Variants in MARCHF5 observed in about 807,000 individuals in gnomAD.
MARCHF5 encodes membrane associated ring-CH-type finger 5.
In MARCHF5, 5 loss-of-function variants were observed where a neutral mutation model predicts 36.5. The ratio of observed to expected loss-of-function variants is 0.14; its 90% CI spans 0.07 to 0.29. The LOEUF (loss-of-function observed/expected upper bound fraction) is 0.29. MARCHF5 is among the 10% of genes least tolerant of loss of function. The pLI, the probability that MARCHF5 is intolerant of heterozygous loss-of-function variation, is 1.00. For synonymous variants in MARCHF5, 103 were observed against 109.9 expected (o/e 0.94, Z 0.39); for missense variants, 179 against 336.3 (o/e 0.53, Z 3.66).
intron 1 of MARCHF5, among the ~76,000 whole-genome samples, chr10:92,303,146 C>G (rs1035780059): frequency 1.3e-5 from 2 of 152,186 alleles, no homozygotes; most frequent in Non-Finnish European, 2.9e-5. Context: ...TAAAGCCCCC[C>G]TCACTTTTTT....
In MARCHF5 at chr10:92,291,454, G is replaced by T. The variant is rs1009028240; in HGVS notation, c.-41G>T. 3 of 1,502,844 alleles carry T rather than the reference G, an allele frequency of 2.0e-6. No homozygotes were observed. The highest frequency in any genetic ancestry group is 1.4e-5 in the African/African-American group (1 of 72,040). 93.1% of individuals were successfully genotyped at this position (1,502,844 alleles called of 1,614,324 possible). Reference sequence around the variant, plus strand: ...ATTGTCCCTGGGCCTGGCCTTGAGCGGGTCCACTGGGGAAGGCCGTGTGCG... The same window carrying T: ...ATTGTCCCTGGGCCTGGCCTTGAGCTGGTCCACTGGGGAAGGCCGTGTGCG... On this transcript the variant is annotated 5_prime_UTR_variant, in exon 1 of 6. Transcript: ENST00000358935.
chr10:92,351,901 C>CGTGTGTGTGTGTGTGTGTGTGTGTGTGT lies in MARCHF5; in HGVS notation c.*705_*732dup, dbSNP rs10552774. The CGTGTGTGTGTGTGTGTGTGTGTGTGTGT allele has an allele frequency of 7.1e-6, 1 of 141,232 alleles. No individual in the cohort carries two copies. The highest frequency in any genetic ancestry group is 1.6e-5 in the Non-Finnish European group (1 of 64,400). The allele number at this position is 141,232 out of a possible 1,614,324, so 8.7% of individuals were successfully genotyped here. On this transcript the variant is annotated 3_prime_UTR_variant, in exon 6 of 6. Coordinates refer to ENST00000358935, the MANE Select transcript of MARCHF5 (RefSeq NM_017824.5). ...ATGAAGTAATTTTGACTCATGCAGT[C>CGTGTGTGTGTGTGTGTGTGTGTGTGTGT]GTGTGTGTGTGTGTGTGTGTGTGTG...
chr10:92,345,778 C>G (rs1218553234), intron 3 of MARCHF5, among the ~76,000 whole-genome samples: 1 of 147,140 alleles, frequency 6.8e-6, no homozygotes, highest in Non-Finnish European at 1.5e-5. Context: ...ACTGCATCCT[C>G]GAACTCCCTG....
intron 2 of MARCHF5, among the ~76,000 whole-genome samples, chr10:92,331,470 A>G (rs1029840814): frequency 6.6e-6 from 1 of 152,060 alleles, no homozygotes; most frequent in Non-Finnish European, 1.5e-5. Context: ...TAACATCTGT[A>G]TAGTTTGTAC....
At chr10:92,307,906 A>G (rs1843095409) in intron 1 of MARCHF5, among the ~76,000 whole-genome samples, 1 of 150,476 alleles carries the variant, frequency 6.6e-6, no homozygotes, top group Admixed American at 6.6e-5. Context: ...TTTCTTGATG[A>G]TATGCTAAAC....
intron 2 of MARCHF5, among the ~76,000 whole-genome samples, chr10:92,314,508 G>A (rs1260828774): frequency 3.9e-5 from 6 of 152,098 alleles, no homozygotes. Flanking sequence ...CAGGCGTGGT[G>A]GCAGGCGCCT....
chr10:92,335,176 G>C (rs1173453429), intron 2 of MARCHF5, among the ~76,000 whole-genome samples: 2 of 152,096 alleles, frequency 1.3e-5, no homozygotes, highest in African/African-American at 4.8e-5. Flanking sequence ...GTTTTCAAAG[G>C]CTGCTGTCTT....
intron 2 of MARCHF5, among the ~76,000 whole-genome samples, chr10:92,327,410 TC>T (rs1490076915): frequency 6.6e-6 from 1 of 152,066 alleles, no homozygotes; most frequent in Non-Finnish European, 1.5e-5. Flanking sequence ...TCAGTCTTCC[TC>T]CATTGATGGA....
chr10:92,328,724 A>G (rs1843398956), intron 2 of MARCHF5, among the ~76,000 whole-genome samples: 1 of 150,950 alleles, frequency 6.6e-6, no homozygotes, highest in African/African-American at 2.4e-5. Context: ...TACACTACGA[A>G]CACTTGGCTG....
chr10:92,335,670 A>G (rs1843493484), intron 2 of MARCHF5, among the ~76,000 whole-genome samples: 2 of 152,202 alleles, frequency 1.3e-5, no homozygotes, highest in South Asian at 4.1e-4. Flanking sequence ...GAAAATTTCC[A>G]AAGAGGAAAT....
chr10:92,327,137 A>G (rs1361574860), intron 2 of MARCHF5, among the ~76,000 whole-genome samples: 1 of 152,162 alleles, frequency 6.6e-6, no homozygotes, highest in Admixed American at 6.5e-5. Flanking sequence ...CTTGCAAGCT[A>G]CTTGCAATGA....
At chr10:92,323,395 C>T (rs1474978937) in intron 2 of MARCHF5, among the ~76,000 whole-genome samples, 1 of 152,130 alleles carries the variant, frequency 6.6e-6, no homozygotes, top group African/African-American at 2.4e-5. Context: ...ATCATTACCA[C>T]CCAGAGTGTC....
intron 1 of MARCHF5, among the ~76,000 whole-genome samples, chr10:92,293,605 T>C (rs562651332): frequency 4.1e-5 from 6 of 147,528 alleles, no homozygotes; most frequent in African/African-American, 7.5e-5. Flanking sequence ...ACCCTGTCTC[T>C]ACTAAAAAAA....
intron 2 of MARCHF5, among the ~76,000 whole-genome samples, chr10:92,338,273 G>A (rs2135212135): frequency 6.6e-6 from 1 of 152,258 alleles, no homozygotes; most frequent in Middle Eastern, 3.4e-3. Flanking sequence ...TCTACTACTA[G>A]CATTTGAGGG....
At chr10:92,327,126 A>C (rs1408294319) in intron 2 of MARCHF5, among the ~76,000 whole-genome samples, 1 of 152,170 alleles carries the variant, frequency 6.6e-6, no homozygotes, top group African/African-American at 2.4e-5. Context: ...TTAGCAAGCT[A>C]CTTGCAAGCT....
rs148494908 is a variant in MARCHF5 at position 92,341,415 on chromosome 10, G to T, written c.369+612G>T. On this transcript the variant is annotated intron_variant, in intron 3 of 5. Coordinates refer to ENST00000358935, the MANE Select transcript of MARCHF5 (RefSeq NM_017824.5). ...GAGACTCCATCTCAAAAAAAACAGT[G>T]CTACATAGAACTTGGATAAGTGGTC... 2.1e-3 allele frequency among the ~76,000 whole-genome samples: 316 copies of T among 151,836 alleles called. 1 individual carries two copies. Among genetic ancestry groups the T allele is most frequent in the African/African-American group, 7.3e-3 (304 of 41,416 alleles).
intron 2 of MARCHF5, among the ~76,000 whole-genome samples, chr10:92,313,623 G>A (rs1843173036): frequency 1.3e-5 from 2 of 150,944 alleles, no homozygotes; most frequent in South Asian, 2.1e-4. Context: ...AAATTGTGGC[G>A]GGTCACAGTG....
chr10:92,347,540 G>A (rs1279491295), intron 3 of MARCHF5, among the ~76,000 whole-genome samples: 2 of 149,930 alleles, frequency 1.3e-5, no homozygotes, highest in Non-Finnish European at 3.0e-5. Context: ...TATATAGATA[G>A]ATAGATAGAT....
At chr10:92,349,888 G>A in intron 5 of MARCHF5, 51 bp downstream of exon 5, 1 of 1,478,362 alleles carries the variant, frequency 6.8e-7, no homozygotes, top group Non-Finnish European at 9.3e-7. Context: ...AGAATGAAGT[G>A]TATTTGTTTT....
Sources: gnomAD v4.1 joint callset for allele counts (sites outside exome capture counted in the v4.1 genomes callset) on GRCh38, gnomAD v4.1.1 for gene constraint, MANE v1.5 for transcripts, NCBI Gene and HGNC (gene_info 2026-07-23, HGNC 2026-07-21) for gene names.